Variants in RB1 observed in about 807,000 individuals in gnomAD.
RB1 encodes the protein retinoblastoma-associated protein.
Under a neutral mutation model 135.4 loss-of-function variants are expected in RB1, and 18 were observed. The observed-to-expected ratio is 0.13, with a 90% CI of 0.09 to 0.20. The LOEUF is 0.20. Among genes scored for constraint, RB1 ranks in the 10% least tolerant of loss-of-function variants. The pLI is 1.00. For missense variants in RB1, 868 were observed against 1,110.0 expected, an observed-to-expected ratio of 0.78 and a Z score of 3.10; for synonymous variants, 365 against 373.2, an observed-to-expected ratio of 0.98 and a Z score of 0.25.
chr13:48,388,343 G>A (rs867486809), intron 17 of RB1, among the ~76,000 whole-genome samples: 20 of 152,202 alleles, frequency 1.3e-4, no homozygotes, highest in Middle Eastern at 3.4e-3. Context: ...CATTTGATGA[G>A]TTTTAAGTAA....
At chr13:48,390,339 A>G (rs961040312) in intron 17 of RB1, among the ~76,000 whole-genome samples, 54 of 152,144 alleles carry the variant, frequency 3.5e-4, no homozygotes, top group Non-Finnish European at 5.9e-4. Context: ...TCACCTTAGA[A>G]TTTCTGGAGA....
chr13:48,334,541 C>G (rs986701132), intron 2 of RB1, among the ~76,000 whole-genome samples: 4 of 152,060 alleles, frequency 2.6e-5, no homozygotes, highest in South Asian at 4.1e-4. Context: ...TCTTTTGACC[C>G]TGAGGTAGAG....
At position 48,319,026 on chromosome 13, in the gene RB1, A is replaced by G. The variant is rs1593421542; in HGVS notation, c.264+11620A>G. 2.4e-5 allele frequency: 16 copies of G among 677,614 alleles called. No individual in the cohort carries two copies. The East Asian group carries it at 4.2e-4, about 18-fold the overall frequency. 42.0% of individuals were successfully genotyped at this position (677,614 alleles called of 1,614,324 possible). A position where few individuals can be genotyped will look rare whatever the true frequency, so the allele number is the denominator to read the frequency against. On this transcript the variant is annotated intron_variant, in intron 2 of 26. Transcript: ENST00000267163. This position sits in a 1 kb window ranked among gnomAD's most constrained non-coding sequence, Gnocchi z 5.0. ...GGCAGGGTAGTCTTGGAAATGCCCAAGATTGCTTCCGCGCGCGTCAGTTCA... is the reference window on the plus strand; with the variant it reads ...GGCAGGGTAGTCTTGGAAATGCCCAGGATTGCTTCCGCGCGCGTCAGTTCA...
Position 48,381,698 on chromosome 13 carries a change from C to T in RB1, c.1695+255C>T, listed in dbSNP as rs373179676. Among the ~76,000 whole-genome samples, 5 of 151,688 alleles carry T rather than the reference C, an allele frequency of 3.3e-5. No homozygotes were observed. In the South Asian group the frequency reaches 8.3e-4, roughly 25 times the overall value. On this transcript the variant is annotated intron_variant, in intron 17 of 26. Coordinates refer to ENST00000267163, the MANE Select transcript of RB1 (RefSeq NM_000321.3). Reference sequence around the variant, plus strand: ...TAAAACATGCCACTTTAAAACAAAACGGATTTTTTTTTTATACTTTAAGTT... The same window carrying T: ...TAAAACATGCCACTTTAAAACAAAATGGATTTTTTTTTTATACTTTAAGTT...
intron 17 of RB1, among the ~76,000 whole-genome samples, chr13:48,450,768 G>A (rs1182237544): frequency 6.6e-6 from 1 of 152,048 alleles, no homozygotes; most frequent in East Asian, 1.9e-4. Context: ...AAATAACTTT[G>A]GGCTGTATGG....
chr13:48,422,034 T>C lies in RB1; in HGVS notation c.1696-30959T>C, dbSNP rs372567559. On this transcript the variant is annotated intron_variant, in intron 17 of 26. Coordinates refer to ENST00000267163, the MANE Select transcript of RB1 (RefSeq NM_000321.3). ...ATTACTGGGTATATACCCAAAGGAT[T>C]ATAAATAATTCTAATATAAAGACAC... 2.0e-4 allele frequency among the ~76,000 whole-genome samples: 31 copies of C among 152,340 alleles called. No individual in the cohort carries two copies. The East Asian group carries it at 4.8e-3, about 24-fold the overall frequency.
chr13:48,443,993 G>T (rs1476089935), intron 17 of RB1, among the ~76,000 whole-genome samples: 1 of 151,952 alleles, frequency 6.6e-6, no homozygotes, highest in Non-Finnish European at 1.5e-5. Context: ...AAATGTGTGG[G>T]TTTTTTTCCC....
At chr13:48,426,790 G>C (rs553520769) in intron 17 of RB1, 1 of 152,130 alleles carries the variant, frequency 6.6e-6, no homozygotes, top group Non-Finnish European at 1.5e-5. Context: ...GTTCGTTCTT[G>C]CATTGCTGTA....
chr13:48,403,622 T>C (rs1948713376), intron 17 of RB1, among the ~76,000 whole-genome samples: 1 of 152,094 alleles, frequency 6.6e-6, no homozygotes, highest in Admixed American at 6.6e-5. Flanking sequence ...TGTTTGGCAA[T>C]GGTCCTCAAA....
chr13:48,401,235 A>C (rs567145064), intron 17 of RB1: 1 of 152,266 alleles, frequency 6.6e-6, no homozygotes, highest in Admixed American at 6.5e-5. Context: ...GAATTTTATA[A>C]AGAGTCATGA....
At chr13:48,410,255 T>C (rs1948781575) in intron 17 of RB1, among the ~76,000 whole-genome samples, 1 of 152,232 alleles carries the variant, frequency 6.6e-6, no homozygotes, top group Non-Finnish European at 1.5e-5. Context: ...ATATTTTTAC[T>C]GTACCTTTTC....
At chr13:48,343,567 A>G (rs1006168416) in intron 3 of RB1, among the ~76,000 whole-genome samples, 2 of 152,206 alleles carry the variant, frequency 1.3e-5, no homozygotes, top group Non-Finnish European at 2.9e-5. Flanking sequence ...CTGCAACACC[A>G]CAGGCACTCA....
rs533687735 is a variant in RB1, at chr13:48,370,414, A to C, written c.1127+1810A>C. ...CCACAGGTTGAGGGCTCAGTCCCCAAAACTGGCCCCAACTTCAGATGCCAG... is the reference window on the plus strand; with the variant it reads ...CCACAGGTTGAGGGCTCAGTCCCCACAACTGGCCCCAACTTCAGATGCCAG... On this transcript the variant is annotated intron_variant, in intron 11 of 26. Coordinates refer to ENST00000267163, the MANE Select transcript of RB1 (RefSeq NM_000321.3). Among the ~76,000 whole-genome samples, 22 of 152,274 alleles carry C rather than the reference A, an allele frequency of 1.4e-4. No homozygotes were observed. In the East Asian group the frequency reaches 4.2e-3, roughly 29 times the overall value.
rs886050267 is a variant in RB1 at position 48,303,832 on chromosome 13, G to A, written c.-81G>A. The A allele has an allele frequency of 8.1e-6, 12 of 1,486,830 alleles. No individual in the cohort carries two copies. The South Asian group carries it at 1.0e-4, about 12-fold the overall frequency. 92.1% of individuals were successfully genotyped at this position (1,486,830 alleles called of 1,614,324 possible). ...TTTGTAACGGGAGTCGGGAGAGGAC[G>A]GGGCGTGCCCCGACGTGCGCGCGCG... On this transcript the variant is annotated 5_prime_UTR_variant, in exon 1 of 27. Transcript: ENST00000267163.
At chr13:48,423,225 C>T (rs1218927576) in intron 17 of RB1, among the ~76,000 whole-genome samples, 1 of 152,082 alleles carries the variant, frequency 6.6e-6, no homozygotes, top group African/African-American at 2.4e-5. Flanking sequence ...GATTCTGATT[C>T]TTTGAATACT....
rs1566192594 is a variant in RB1, at chr13:48,362,951, A to G, written c.855A>G (p.Ile285Met). 3 of 1,612,410 alleles carry G rather than the reference A, an allele frequency of 1.9e-6. No homozygotes were observed. Among genetic ancestry groups the G allele is most frequent in the Non-Finnish European group, 2.5e-6 (3 of 1,178,556 alleles). Residue 285 changes from isoleucine (I) to methionine (M), a missense_variant, in exon 8 of 27, where the codon ATA becomes ATG. By Grantham distance (10) the Ile-to-Met change is conservative (BLOSUM62 1). Coordinates refer to ENST00000267163, the MANE Select transcript of RB1 (RefSeq NM_000321.3). ...TCTGTAAAGAACATGAATGTAATAT[A>G]GATGAGGTAATTTAACTTCATGATT... Reference protein sequence around the residue: ...EVLCKEHECNIDEVKNVYFKN... With the variant: ...EVLCKEHECNMDEVKNVYFKN...
At chr13:48,453,164 C>A in intron 18 of RB1, 53 bp downstream of exon 18, 1 of 1,496,640 alleles carries the variant, frequency 6.7e-7, no homozygotes, top group Non-Finnish European at 9.2e-7. Flanking sequence ...AGATTTTAAG[C>A]ATAAGTGCAA....
chr13:48,454,550 T>C (rs143568087), intron 18 of RB1, among the ~76,000 whole-genome samples: 1 of 152,312 alleles, frequency 6.6e-6, no homozygotes, highest in East Asian at 1.9e-4. Flanking sequence ...CTTCCCCTCA[T>C]AGAGCTTACA....
chr13:48,395,300 A>G lies in RB1; in HGVS notation c.1695+13857A>G, dbSNP rs567685545. On this transcript the variant is annotated intron_variant, in intron 17 of 26. Transcript: ENST00000267163. ...TCCATGAAGATGAGGAAAAACCAGC[A>G]CAAAAAGGCTGAAAATTCCAAAAAC... Among the ~76,000 whole-genome samples the G allele has an allele frequency of 6.6e-5, 10 of 152,296 alleles. No individual in the cohort carries two copies. The South Asian group carries it at 2.1e-3, about 32-fold the overall frequency.
Sources: allele counts gnomAD v4.1 joint callset (sites outside exome capture counted in the v4.1 genomes callset), GRCh38; gene constraint gnomAD v4.1.1; non-coding constraint Gnocchi (gnomAD v3.1); transcripts MANE v1.5; gene names NCBI Gene and HGNC (gene_info 2026-07-23, HGNC 2026-07-21).